The following CDS2 variants were observed in gnomAD, a reference collection of about 807,000 sequenced individuals.
CDS2 encodes phosphatidate cytidylyltransferase 2.
A neutral mutation model predicts 59.0 loss-of-function variants in CDS2; 47 were observed. The ratio of observed to expected loss-of-function variants is 0.80; its 90% CI spans 0.63 to 1.02. CDS2 has a LOEUF of 1.02. Among genes scored for constraint, CDS2 ranks in the 50% least tolerant of loss-of-function variants. The pLI is 0.00. For synonymous variants in CDS2, 207 were observed against 206.4 expected, an observed-to-expected ratio of 1.00 and a Z score of -0.02; for missense variants, 356 against 558.9, an observed-to-expected ratio of 0.64 and a Z score of 3.66.
rs773192259 is a variant in CDS2 at position 5,184,109 on chromosome 20, G to A, written c.672-749G>A. On this transcript the variant is annotated intron_variant, in intron 7 of 12. Transcript: ENST00000460006. This position sits in a 1 kb window ranked among gnomAD's most constrained non-coding sequence, Gnocchi z 4.3. ...CTGGGGGTGGAGGTTGCAGTGAGCCGAGATTGTGTCACTGCACTCCAGCCT... is the reference window on the plus strand; with the variant it reads ...CTGGGGGTGGAGGTTGCAGTGAGCCAAGATTGTGTCACTGCACTCCAGCCT... Among the ~76,000 whole-genome samples, 14 of 152,144 alleles carry A rather than the reference G, an allele frequency of 9.2e-5. No individual in the cohort carries two copies. The highest frequency in any genetic ancestry group is 1.3e-4 in the Non-Finnish European group (9 of 68,014).
chr20:5,164,112 A>G (rs929049475), intron 1 of CDS2, among the ~76,000 whole-genome samples: 1 of 152,038 alleles, frequency 6.6e-6, no homozygotes, highest in African/African-American at 2.4e-5. Flanking sequence ...TATAACTAAT[A>G]TGACACATTT....
chr20:5,147,051 T>G (rs2090749372), intron 1 of CDS2, among the ~76,000 whole-genome samples: 1 of 152,232 alleles, frequency 6.6e-6, no homozygotes, highest in African/African-American at 2.4e-5. Flanking sequence ...TGGCCAGAAC[T>G]AATTTGCATG....
rs2091137945 is a variant in CDS2 at position 5,194,013 on chromosome 20, T to A, written c.*3779T>A. 6.6e-6 allele frequency: 1 copy of A among 152,176 alleles called. No homozygotes were observed. The highest frequency in any genetic ancestry group is 2.4e-5 in the African/African-American group (1 of 41,430). 9.4% of individuals were successfully genotyped at this position (152,176 alleles called of 1,614,324 possible). A position where few individuals can be genotyped will look rare whatever the true frequency, so the allele number is the denominator to read the frequency against. Reference sequence around the variant, plus strand: ...TTCTGAGGTCAGGGTGGGGAGGATGTCCAGGTGACTTTTATGGACACATTG... The same window carrying A: ...TTCTGAGGTCAGGGTGGGGAGGATGACCAGGTGACTTTTATGGACACATTG... On this transcript the variant is annotated 3_prime_UTR_variant, in exon 13 of 13. Coordinates refer to ENST00000460006, the MANE Select transcript of CDS2 (RefSeq NM_003818.4).
chr20:5,194,555 G>A lies in CDS2; in HGVS notation c.*4321G>A, dbSNP rs1357298746. On this transcript the variant is annotated 3_prime_UTR_variant, in exon 13 of 13. Transcript: ENST00000460006. Reference sequence around the variant, plus strand: ...CATCTGGGGCTGTCTCTTGATTAAGGCTGTCACCTGTTTGTATAGGGACCA... The same window carrying A: ...CATCTGGGGCTGTCTCTTGATTAAGACTGTCACCTGTTTGTATAGGGACCA... 6.6e-6 allele frequency: 1 copy of A among 152,242 alleles called. No homozygotes were observed. The highest frequency in any genetic ancestry group is 1.5e-5 in the Non-Finnish European group (1 of 68,082). 9.4% of individuals were successfully genotyped at this position (152,242 alleles called of 1,614,324 possible).
In CDS2 at chr20:5,158,239, G is replaced by A. The variant is rs192305725; in HGVS notation, c.58-15284G>A. Among the ~76,000 whole-genome samples, 380 of 149,410 alleles carry A rather than the reference G, an allele frequency of 2.5e-3. 1 individual carries two copies. The highest frequency in any genetic ancestry group is 8.6e-3 in the African/African-American group (349 of 40,400). On this transcript the variant is annotated intron_variant, in intron 1 of 12. Transcript: ENST00000460006. ...GGCTGGAGTGCAATGGCACAGTCTCGGCTCACTGCAACTTCTGCCTCTCGA... is the reference window on the plus strand; with the variant it reads ...GGCTGGAGTGCAATGGCACAGTCTCAGCTCACTGCAACTTCTGCCTCTCGA...
chr20:5,130,059 A>G (rs60077408), intron 1 of CDS2, among the ~76,000 whole-genome samples: 34,464 of 151,614 alleles, frequency 0.23, 7,053 homozygotes, highest in African/African-American at 0.55. Flanking sequence ...TGCAACCTCC[A>G]CCTCCCGTGT....
intron 4 of CDS2, among the ~76,000 whole-genome samples, chr20:5,177,021 G>A (rs2090999685): frequency 6.6e-6 from 1 of 152,180 alleles, no homozygotes; most frequent in Non-Finnish European, 1.5e-5. Context: ...CAGTGCCTTT[G>A]AGACCTGAGT....
intron 1 of CDS2, among the ~76,000 whole-genome samples, chr20:5,160,947 TTTG>T (rs1396958132): frequency 6.6e-6 from 1 of 152,250 alleles, no homozygotes; most frequent in Non-Finnish European, 1.5e-5. Context: ...TGTTCATTCC[TTTG>T]TTGATAGATA....
At chr20:5,173,804 T>A in intron 2 of CDS2, 145 bp downstream of exon 2, 1 of 958,396 alleles carries the variant, frequency 1.0e-6, no homozygotes. Flanking sequence ...CCAGGCTCCA[T>A]TGAGTGTAAT....
chr20:5,190,339 G>T lies in CDS2; in HGVS notation c.*105G>T. 67 of 868,992 alleles carry T rather than the reference G, an allele frequency of 7.7e-5. No individual in the cohort carries two copies. Among genetic ancestry groups the T allele is most frequent in the East Asian group, 1.3e-4 (4 of 30,876 alleles). The allele number at this position is 868,992 out of a possible 1,614,324, so 53.8% of individuals were successfully genotyped here. ...GACAATGACGAGGCTTCAACTCACT[G>T]TCTTTTTTTTTTTTTTTTGGAGGGT... On this transcript the variant is annotated 3_prime_UTR_variant, in exon 13 of 13. Coordinates refer to ENST00000460006, the MANE Select transcript of CDS2 (RefSeq NM_003818.4).
In CDS2 at chr20:5,169,518, A is replaced by G. The variant is rs114757319; in HGVS notation, c.58-4005A>G. ...TTCAACAAATCTTGGGGCACCTGCT[A>G]TGTTCCAGGCACTGCTCAGTGCAGT... On this transcript the variant is annotated intron_variant, in intron 1 of 12. Transcript: ENST00000460006. 3.6e-3 allele frequency among the ~76,000 whole-genome samples: 553 copies of G among 152,320 alleles called. 5 individuals carry two copies. Among genetic ancestry groups the G allele is most frequent in the African/African-American group, 0.013 (530 of 41,570 alleles).
In CDS2 at chr20:5,175,290, T is replaced by C. The variant is rs1281879055; in HGVS notation, c.291+11T>C. On this transcript the variant is annotated intron_variant, in intron 3 of 12. Transcript: ENST00000460006. ...GTTTTGATGATAATCGTAAGTGCCA[T>C]TTCACACTATTTTAGTTTTCCCTTC... 3 of 1,602,766 alleles carry C rather than the reference T, an allele frequency of 1.9e-6. No individual in the cohort carries two copies. In the Admixed American group the frequency reaches 5.0e-5, roughly 27 times the overall value.
rs1433089364 is a variant in CDS2, at chr20:5,194,892, T to C, written c.*4658T>C. 6.6e-6 allele frequency: 1 copy of C among 152,120 alleles called. No individual in the cohort carries two copies. Among genetic ancestry groups the C allele is most frequent in the African/African-American group, 2.4e-5 (1 of 41,440 alleles). 9.4% of individuals were successfully genotyped at this position (152,120 alleles called of 1,614,324 possible). Reference sequence around the variant, plus strand: ...TATAGTGCTTAATATGTGCCAGGCATAGTGCTAAGGGTTTACATACGTTAT... The same window carrying C: ...TATAGTGCTTAATATGTGCCAGGCACAGTGCTAAGGGTTTACATACGTTAT... On this transcript the variant is annotated 3_prime_UTR_variant, in exon 13 of 13. Coordinates refer to ENST00000460006, the MANE Select transcript of CDS2 (RefSeq NM_003818.4).
In CDS2 at chr20:5,153,655, T is replaced by C. The variant is rs576894470; in HGVS notation, c.58-19868T>C. ...AGCTTGTACTGTTTGCTTTTTCCCA[T>C]GCATTTGAGCTACTCTTCTTCCTGA... On this transcript the variant is annotated intron_variant, in intron 1 of 12. Coordinates refer to ENST00000460006, the MANE Select transcript of CDS2 (RefSeq NM_003818.4). Among the ~76,000 whole-genome samples, 4 of 152,384 alleles carry C rather than the reference T, an allele frequency of 2.6e-5. No homozygotes were observed. In the South Asian group the frequency reaches 8.3e-4, roughly 32 times the overall value.
Position 5,186,786 on chromosome 20 carries a change from T to G in CDS2, c.928T>G (p.Phe310Val). ...TGTGGACTGTGAGCCCTCGGACCTGTTTCGCCTGCAGGAGTACAACATTCC... is the reference window on the plus strand; with the variant it reads ...TGTGGACTGTGAGCCCTCGGACCTGGTTCGCCTGCAGGAGTACAACATTCC... ...FTVDCEPSDLFRLQEYNIPGV... is the reference protein window; with the variant it reads ...FTVDCEPSDLVRLQEYNIPGV... The change falls in exon 10 of 13, where the codon TTT (phenylalanine) becomes GTT (valine). Residue 310 changes from phenylalanine (F) to valine (V), a missense_variant. Phe to Val is a conservative substitution (Grantham distance 50, BLOSUM62 -1). Around this residue, in one of 5 missense-constraint regions of CDS2, gnomAD observed 88 missense variants for 103.6 expected, o/e 0.85. Coordinates refer to ENST00000460006, the MANE Select transcript of CDS2 (RefSeq NM_003818.4). 6.2e-7 allele frequency: 1 copy of G among 1,614,140 alleles called. No individual in the cohort carries two copies. The highest frequency in any genetic ancestry group is 8.5e-7 in the Non-Finnish European group (1 of 1,180,020).
chr20:5,189,970 A>AT (rs2091100546), intron 12 of CDS2, 132 bp downstream of exon 12: 12 of 1,388,200 alleles, frequency 8.6e-6, no homozygotes, highest in Non-Finnish European at 1.2e-5. Context: ...CTGCTTACAG[A>AT]TTTTCTGAGG....
At chr20:5,177,546 C>T (rs1408608851) in intron 4 of CDS2, among the ~76,000 whole-genome samples, 7 of 152,120 alleles carry the variant, frequency 4.6e-5, no homozygotes, top group African/African-American at 1.4e-4. Context: ...CTTTATTGGC[C>T]GTAGTATTCT....
chr20:5,153,315 C>G (rs1484515541), intron 1 of CDS2, among the ~76,000 whole-genome samples: 1 of 152,146 alleles, frequency 6.6e-6, no homozygotes, highest in African/African-American at 2.4e-5. Context: ...CATATTTTTA[C>G]AATGACTTTT....
At chr20:5,163,361 A>C (rs1363202498) in intron 1 of CDS2, among the ~76,000 whole-genome samples, 1 of 150,042 alleles carries the variant, frequency 6.7e-6, no homozygotes, top group African/African-American at 2.4e-5. Context: ...TCCCGGATTC[A>C]ATCGATTCTC....
Sources: gnomAD v4.1 joint callset for allele counts (sites outside exome capture counted in the v4.1 genomes callset) on GRCh38, gnomAD v4.1.1 for gene constraint, gnomAD v4.1.1 regional missense constraint, Gnocchi (gnomAD v3.1) non-coding constraint, MANE v1.5 for transcripts, NCBI Gene and HGNC (gene_info 2026-07-23, HGNC 2026-07-21) for gene names.